The following HDAC9 variants were observed in gnomAD, a reference collection of about 807,000 sequenced individuals.
HDAC9 encodes histone deacetylase 9, also known as MEF-2 interacting transcription repressor (MITR) protein.
HDAC9 carries 41 observed loss-of-function variants against 139.4 expected under a neutral mutation model. That is an observed-to-expected ratio of 0.29 (90% CI 0.23 to 0.38). The LOEUF (loss-of-function observed/expected upper bound fraction) is 0.38, where lower values mean the gene tolerates loss of function less well. Ranked by LOEUF, HDAC9 falls within the 10% of genes least tolerant of loss-of-function variation. The probability of loss-of-function intolerance (pLI) is 1.00; values close to 1 mark genes in which losing one functional copy is unlikely to be tolerated. For synonymous variants in HDAC9, 517 were observed against 476.2 expected, an observed-to-expected ratio of 1.09 and a Z score of -1.12; for missense variants, 1,147 against 1,297.0, an observed-to-expected ratio of 0.88 and a Z score of 1.78.
At chr7:18,308,357 A>G (rs185192784) in intron 1 of HDAC9, among the ~76,000 whole-genome samples, 26 of 152,332 alleles carry the variant, frequency 1.7e-4, no homozygotes, top group Admixed American at 6.5e-4. Flanking sequence ...AACCATATAC[A>G]AGAAAAGAAC....
At chr7:18,210,897 T>C (rs1326620097) in intron 2 of HDAC9, among the ~76,000 whole-genome samples, 2 of 152,198 alleles carry the variant, frequency 1.3e-5, no homozygotes, top group Non-Finnish European at 2.9e-5. Flanking sequence ...GTTTTTATCA[T>C]CAGAAGGTAT....
At position 18,724,481 on chromosome 7, in the gene HDAC9, T is replaced by A. The variant is rs147957535; in HGVS notation, c.1732-3099T>A. On this transcript the variant is annotated intron_variant, in intron 12 of 25. Transcript: ENST00000686413. ...ATAAGGCACTTAGAATGAGTGGAGC[T>A]TGCATAACTGGAAGTTGCTGTGGGT... 5.7e-3 allele frequency among the ~76,000 whole-genome samples: 863 copies of A among 152,276 alleles called. 8 individuals are homozygous for A. Among genetic ancestry groups the A allele is most frequent in the Non-Finnish European group, 5.9e-3 (399 of 67,994 alleles).
intron 2 of HDAC9, among the ~76,000 whole-genome samples, chr7:18,507,086 A>G (rs1252364478): frequency 6.6e-6 from 1 of 151,784 alleles, no homozygotes. Context: ...AAATGTTAAA[A>G]TGGATGTTAG....
chr7:18,470,612 C>T (rs1794650018), intron 1 of HDAC9, among the ~76,000 whole-genome samples: 2 of 152,084 alleles, frequency 1.3e-5, no homozygotes, highest in South Asian at 4.1e-4. Flanking sequence ...GCTTTGCAGG[C>T]TATATGGCCT....
chr7:18,215,590 G>C (rs1792250155), intron 2 of HDAC9, among the ~76,000 whole-genome samples: 1 of 152,178 alleles, frequency 6.6e-6, no homozygotes, highest in Admixed American at 6.6e-5. Flanking sequence ...ATCTGCAGAA[G>C]TGACTGTGTC....
intron 1 of HDAC9, among the ~76,000 whole-genome samples, chr7:18,154,003 T>C (rs976429391): frequency 2.0e-5 from 3 of 152,174 alleles, no homozygotes; most frequent in African/African-American, 7.2e-5. Context: ...CTTCCCAAAA[T>C]AGAGGGACCT....
chr7:18,586,892 C>T (rs984618592), intron 3 of HDAC9, among the ~76,000 whole-genome samples: 5 of 152,022 alleles, frequency 3.3e-5, no homozygotes, highest in African/African-American at 1.2e-4. Flanking sequence ...TGAATGAATA[C>T]TGAAGCTTTA....
At chr7:18,318,226 A>G (rs1399149590) in intron 1 of HDAC9, among the ~76,000 whole-genome samples, 1 of 152,222 alleles carries the variant, frequency 6.6e-6, no homozygotes, top group African/African-American at 2.4e-5. Flanking sequence ...AGGGAGAATT[A>G]CAATAGGACT....
chr7:18,859,251 T>A (rs180982245), intron 21 of HDAC9, among the ~76,000 whole-genome samples: 1 of 152,288 alleles, frequency 6.6e-6, no homozygotes. Context: ...TGGTTGATGA[T>A]TTTGTTGTTG....
At chr7:18,668,351 G>A in intron 12 of HDAC9, 1 of 936,270 alleles carries the variant, frequency 1.1e-6, no homozygotes, top group South Asian at 4.9e-5. Flanking sequence ...TAAAAATATG[G>A]CATGCCTAAG....
At chr7:18,584,815 C>G (rs776772762) in intron 2 of HDAC9, among the ~76,000 whole-genome samples, 1 of 152,192 alleles carries the variant, frequency 6.6e-6, no homozygotes, top group Non-Finnish European at 1.5e-5. Context: ...ACAACCTTTA[C>G]TTTGTAAAGT....
chr7:18,359,271 C>G (rs1386882686), intron 1 of HDAC9, among the ~76,000 whole-genome samples: 1 of 152,090 alleles, frequency 6.6e-6, no homozygotes, highest in Non-Finnish European at 1.5e-5. Flanking sequence ...TCACTTGAAC[C>G]TGGGAGGCAG....
At chr7:18,623,847 C>A (rs1840888760) in intron 6 of HDAC9, among the ~76,000 whole-genome samples, 1 of 152,072 alleles carries the variant, frequency 6.6e-6, no homozygotes, top group African/African-American at 2.4e-5. Context: ...GAGGCTGAGG[C>A]AGAATTGCTT....
chr7:18,478,930 T>A (rs1795334603), intron 1 of HDAC9, among the ~76,000 whole-genome samples: 1 of 152,162 alleles, frequency 6.6e-6, no homozygotes, highest in Non-Finnish European at 1.5e-5. Flanking sequence ...GAGTTTCTTT[T>A]CCATCACTTG....
chr7:18,402,221 T>G (rs1256540199), intron 1 of HDAC9, among the ~76,000 whole-genome samples: 1 of 152,102 alleles, frequency 6.6e-6, no homozygotes, highest in African/African-American at 2.4e-5. Flanking sequence ...GTAGGACGGG[T>G]TAACAGATAT....
At chr7:18,147,678 G>T (rs1378268056) in intron 1 of HDAC9, among the ~76,000 whole-genome samples, 1 of 150,142 alleles carries the variant, frequency 6.7e-6, no homozygotes, top group Non-Finnish European at 1.5e-5. Flanking sequence ...TAGTTGAAGT[G>T]CTCTTTGTAA....
Position 18,496,265 on chromosome 7 carries a change from G to T in HDAC9, c.-38G>T. 6.2e-7 allele frequency: 1 copy of T among 1,613,126 alleles called. No homozygotes were observed. The highest frequency in any genetic ancestry group is 8.5e-7 in the Non-Finnish European group (1 of 1,179,408). On this transcript the variant is annotated 5_prime_UTR_variant, in exon 2 of 26. Transcript: ENST00000686413. ...AGTGACTCCTGTTTTTCCTCAGATG[G>T]GGTGGCTGGACGAGAGCAGCTCTTG...
intron 22 of HDAC9, among the ~76,000 whole-genome samples, chr7:18,906,672 T>C (rs933260403): frequency 3.9e-5 from 6 of 152,160 alleles, no homozygotes; most frequent in African/African-American, 1.4e-4. Flanking sequence ...CCAGAAAATA[T>C]ACAGCAGTGA....
intron 2 of HDAC9, among the ~76,000 whole-genome samples, chr7:18,262,393 C>T (rs889456254): frequency 2.0e-5 from 3 of 152,146 alleles, no homozygotes; most frequent in Non-Finnish European, 4.4e-5. Context: ...AGAAAAACTC[C>T]TCCAATTTTT....
Sources: gnomAD v4.1 joint callset for allele counts (sites outside exome capture counted in the v4.1 genomes callset) on GRCh38, gnomAD v4.1.1 for gene constraint, MANE v1.5 for transcripts, NCBI Gene and HGNC (gene_info 2026-07-23, HGNC 2026-07-21) for gene names.